Variants in HDAC4 observed in about 807,000 individuals in gnomAD.
HDAC4 encodes the protein histone deacetylase 4.
In HDAC4, 16 loss-of-function variants were observed where a neutral mutation model predicts 135.1. That is an observed-to-expected ratio of 0.12 (90% confidence interval 0.08 to 0.18). The LOEUF is 0.18. HDAC4 is among the 10% of genes least tolerant of loss of function. The pLI is 1.00. For missense variants in HDAC4, 1,143 were observed against 1,511.8 expected, an observed-to-expected ratio of 0.76 and a Z score of 4.05; for synonymous variants, 685 against 653.4, an observed-to-expected ratio of 1.05 and a Z score of -0.74.
intron 2 of HDAC4, among the ~76,000 whole-genome samples, chr2:239,321,442 G>C (rs1016182567): frequency 7.4e-6 from 1 of 135,534 alleles, no homozygotes; most frequent in Non-Finnish European, 1.6e-5. Flanking sequence ...TCCAGCCTGG[G>C]TGAAAGAGCA....
At chr2:239,399,033 G>A (rs575665456) in intron 1 of HDAC4, among the ~76,000 whole-genome samples, 81 of 152,210 alleles carry the variant, frequency 5.3e-4, no homozygotes, top group Non-Finnish European at 1.0e-3. Flanking sequence ...TGGGGTGTGT[G>A]TTTTTAAGGC....
At chr2:239,084,776 CCA>C (rs1296146586) in intron 19 of HDAC4, among the ~76,000 whole-genome samples, 13 of 148,008 alleles carry the variant, frequency 8.8e-5, no homozygotes, top group South Asian at 2.2e-4. Flanking sequence ...CACACACACT[CCA>C]CACAGACACA....
chr2:239,075,706 T>C (rs1287891698), intron 22 of HDAC4, among the ~76,000 whole-genome samples: 2 of 152,244 alleles, frequency 1.3e-5, no homozygotes, highest in African/African-American at 2.4e-5. Flanking sequence ...GTGGCTTCTC[T>C]GGCACCTTCG....
chr2:239,082,213 G>A lies in HDAC4; in HGVS notation c.2541C>T (p.His847=), dbSNP rs140070610. The A allele has an allele frequency of 1.2e-5, 20 of 1,614,084 alleles. No homozygotes were observed. The African/African-American group carries it at 2.1e-4, about 17-fold the overall frequency. ...SKILIVDWDV[H]HGNGTQQAFY... ...AAGCCTGCTGGGTCCCGTTTCCATG[G>A]TGCACGTCCTTAAAGAGCAGGGACA... is the stretch of plus-strand genomic sequence containing the variant. Residue 847 remains histidine (H), a synonymous_variant, in exon 21 of 27, where the codon CAC becomes CAT. Transcript: ENST00000543185.
At position 239,052,069 on chromosome 2, in the gene HDAC4, C is replaced by T. The variant is rs2030935944; in HGVS notation, c.*1028G>A. The T allele has an allele frequency of 6.6e-6, 1 of 152,590 alleles. No homozygotes were observed. Among genetic ancestry groups the T allele is most frequent in the African/African-American group, 2.4e-5 (1 of 41,428 alleles). The allele number at this position is 152,590 out of a possible 1,614,324, so 9.5% of individuals were successfully genotyped here. ...AGTGTGCCTACCACATGCTTCACGA[C>T]CAGATGGAGATGCTCAATCGTATGT... is the stretch of plus-strand genomic sequence containing the variant. On this transcript the variant is annotated 3_prime_UTR_variant, in exon 27 of 27. Coordinates refer to ENST00000543185, the MANE Select transcript of HDAC4 (RefSeq NM_001378414.1).
chr2:239,164,255 C>A (rs779081060), intron 5 of HDAC4, among the ~76,000 whole-genome samples: 1 of 152,204 alleles, frequency 6.6e-6, no homozygotes, highest in Non-Finnish European at 1.5e-5. Context: ...GCAGTGGCAG[C>A]GTGGTGGTTG....
At position 239,307,489 on chromosome 2, in the gene HDAC4, C is replaced by T. The variant is rs2052660270; in HGVS notation, c.22+45189G>A. 2.0e-5 allele frequency among the ~76,000 whole-genome samples: 3 copies of T among 152,172 alleles called. No homozygotes were observed. Among genetic ancestry groups the T allele is most frequent in the Non-Finnish European group, 4.4e-5 (3 of 68,032 alleles). ...CCCCCCTCCCACCACTAATCAGGGA[C>T]CTGCCAGAGATACGAGGGCCCAGTG... On this transcript the variant is annotated intron_variant, in intron 2 of 26. Coordinates refer to ENST00000543185, the MANE Select transcript of HDAC4 (RefSeq NM_001378414.1). The surrounding 1 kb of genome is among the most constrained non-coding windows in gnomAD (Gnocchi z 4.8).
chr2:239,131,924 G>C (rs1465453265), intron 11 of HDAC4, among the ~76,000 whole-genome samples: 1 of 152,244 alleles, frequency 6.6e-6, no homozygotes, highest in African/African-American at 2.4e-5. Flanking sequence ...CCTTCAAGGA[G>C]AGTCCGGTGG....
intron 3 of HDAC4, among the ~76,000 whole-genome samples, chr2:239,225,210 T>G (rs1305408987): frequency 6.6e-6 from 1 of 152,148 alleles, no homozygotes; most frequent in East Asian, 1.9e-4. Flanking sequence ...GTAATATGCT[T>G]TACAAATTAA....
chr2:239,117,976 G>A (rs972981266), intron 12 of HDAC4, among the ~76,000 whole-genome samples: 14 of 152,152 alleles, frequency 9.2e-5, no homozygotes, highest in African/African-American at 2.7e-4. Flanking sequence ...ACACTCACGC[G>A]AGGCGGCCTC....
intron 24 of HDAC4, among the ~76,000 whole-genome samples, chr2:239,056,637 T>C (rs11900589): frequency 0.037 from 5,647 of 152,332 alleles, 342 homozygotes; most frequent in African/African-American, 0.13. Flanking sequence ...TTTCAAATAA[T>C]GCACGTATCT....
At chr2:239,210,529 C>T (rs545989467) in intron 3 of HDAC4, among the ~76,000 whole-genome samples, 3 of 152,196 alleles carry the variant, frequency 2.0e-5, no homozygotes, top group African/African-American at 7.2e-5. Context: ...TTACTACAAA[C>T]GTGTACATTT....
chr2:239,195,368 A>G (rs1033519044), intron 3 of HDAC4, among the ~76,000 whole-genome samples: 1 of 152,106 alleles, frequency 6.6e-6, no homozygotes, highest in Non-Finnish European at 1.5e-5. Flanking sequence ...ATTCAATAAC[A>G]CAAATGGAGC....
chr2:239,209,805 G>A (rs535621938), intron 3 of HDAC4, among the ~76,000 whole-genome samples: 8 of 152,314 alleles, frequency 5.3e-5, no homozygotes, highest in African/African-American at 1.9e-4. Context: ...GCCGCCAGAA[G>A]GAGAGAATTC....
At position 239,065,038 on chromosome 2, in the gene HDAC4, C is replaced by T. The variant is rs540093197; in HGVS notation, c.3003+1684G>A. On this transcript the variant is annotated intron_variant, in intron 24 of 26. Transcript: ENST00000543185. ...TGCGGCCTGACGTTTCCCCACCGCTCGTGACCTCGAGTGCCTCTGGGCGCT... is the reference window on the plus strand; with the variant it reads ...TGCGGCCTGACGTTTCCCCACCGCTTGTGACCTCGAGTGCCTCTGGGCGCT... 5.2e-4 allele frequency among the ~76,000 whole-genome samples: 79 copies of T among 152,372 alleles called. 1 individual carries two copies. Among genetic ancestry groups the T allele is most frequent in the African/African-American group, 1.8e-3 (76 of 41,588 alleles).
At chr2:239,291,515 G>C (rs1289677162) in intron 2 of HDAC4, among the ~76,000 whole-genome samples, 1 of 152,248 alleles carries the variant, frequency 6.6e-6, no homozygotes, top group Non-Finnish European at 1.5e-5. Context: ...TGGAAAGCAG[G>C]AAGGCCGCTA....
chr2:239,201,629 C>A (rs1034020575), intron 3 of HDAC4, among the ~76,000 whole-genome samples: 1 of 152,130 alleles, frequency 6.6e-6, no homozygotes, highest in South Asian at 2.1e-4. Flanking sequence ...AAGGCCGAGA[C>A]AACAGCCCCA....
At chr2:239,397,360 A>T (rs771644968) in intron 1 of HDAC4, among the ~76,000 whole-genome samples, 1 of 152,204 alleles carries the variant, frequency 6.6e-6, no homozygotes, top group Non-Finnish European at 1.5e-5. Context: ...CACGAGCCCC[A>T]AGCAGGTGCT....
At chr2:239,242,971 C>T (rs190200535) in intron 2 of HDAC4, among the ~76,000 whole-genome samples, 291 of 152,212 alleles carry the variant, frequency 1.9e-3, no homozygotes, top group Middle Eastern at 3.4e-3. Flanking sequence ...GACAAACCAG[C>T]GTGGTCAGGC....
Sources: gnomAD v4.1 joint callset for allele counts (sites outside exome capture counted in the v4.1 genomes callset) on GRCh38, gnomAD v4.1.1 for gene constraint, Gnocchi (gnomAD v3.1) non-coding constraint, MANE v1.5 for transcripts, NCBI Gene and HGNC (gene_info 2026-07-23, HGNC 2026-07-21) for gene names.